Variants in GRM4 observed in about 807,000 individuals in gnomAD.
GRM4 encodes metabotropic glutamate receptor 4.
Under a neutral mutation model 81.7 loss-of-function variants are expected in GRM4, and 28 were observed. That is an observed-to-expected ratio of 0.34 (90% CI 0.25 to 0.47). The LOEUF (loss-of-function observed/expected upper bound fraction) is 0.47. Ranked by LOEUF, GRM4 falls within the 20% of genes least tolerant of loss-of-function variation. GRM4 has a pLI of 1.00. For missense variants in GRM4, 948 were observed against 1,290.0 expected, an observed-to-expected ratio of 0.73 and a Z score of 4.06; for synonymous variants, 488 against 528.8, an observed-to-expected ratio of 0.92 and a Z score of 1.06.
chr6:34,080,004 C>A lies in GRM4; in HGVS notation c.736+11879G>T, dbSNP rs187300582. 6.6e-6 allele frequency among the ~76,000 whole-genome samples: 1 copy of A among 152,212 alleles called. No individual in the cohort carries two copies. Among genetic ancestry groups the A allele is most frequent in the Non-Finnish European group, 1.5e-5 (1 of 68,030 alleles). ...AAAAGCCAAAGTCCCCACAGGCCCC[C>A]CCAGGGCCCCATGCAATTTGCCCTC... On this transcript the variant is annotated intron_variant, in intron 3 of 10. Transcript: ENST00000538487. This position sits in a 1 kb window ranked among gnomAD's most constrained non-coding sequence, Gnocchi z 5.4.
Position 34,121,775 on chromosome 6 carries a change from G to A in GRM4, c.519+11203C>T, listed in dbSNP as rs1769821158. 6.6e-6 allele frequency among the ~76,000 whole-genome samples: 1 copy of A among 152,164 alleles called. No homozygotes were observed. The highest frequency in any genetic ancestry group is 2.4e-5 in the African/African-American group (1 of 41,432). On this transcript the variant is annotated intron_variant, in intron 2 of 10. Transcript: ENST00000538487. This position sits in a 1 kb window ranked among gnomAD's most constrained non-coding sequence, Gnocchi z 4.6. ...GAAGGAATGGGAGGAGGGACAGGAA[G>A]GAGAATCCAGCCTTCTCCTCACACA...
In GRM4 at chr6:34,092,424, C is replaced by T. The variant is rs917950192; in HGVS notation, c.520-325G>A. ...CCAGCCCAGGGAAAATCCCCACATA[C>T]GTGAGATGATTCAGCCTGGGGATGG... On this transcript the variant is annotated intron_variant, in intron 2 of 10. Transcript: ENST00000538487. The surrounding 1 kb of genome is among the most constrained non-coding windows in gnomAD (Gnocchi z 6.8). Among the ~76,000 whole-genome samples, 2 of 152,144 alleles carry T rather than the reference C, an allele frequency of 1.3e-5. No homozygotes were observed. Among genetic ancestry groups the T allele is most frequent in the African/African-American group, 4.8e-5 (2 of 41,426 alleles).
intron 10 of GRM4, among the ~76,000 whole-genome samples, chr6:34,023,114 GCC>G (rs1253472162): frequency 6.6e-6 from 1 of 152,176 alleles, no homozygotes; most frequent in Non-Finnish European, 1.5e-5. Context: ...GCACCTCCAC[GCC>G]TTTGCCGGGC....
At chr6:34,025,273 A>G (rs924425619) in intron 10 of GRM4, among the ~76,000 whole-genome samples, 2 of 152,132 alleles carry the variant, frequency 1.3e-5, no homozygotes, top group African/African-American at 4.8e-5. Context: ...TGCGAATCAC[A>G]GCAGGCCAGG....
At chr6:34,138,423 G>C (rs1378125212) in intron 1 of GRM4, among the ~76,000 whole-genome samples, 1 of 152,232 alleles carries the variant, frequency 6.6e-6, no homozygotes, top group East Asian at 1.9e-4. Context: ...GTGAATGGCT[G>C]TGTGGAGTCT....
chr6:34,087,838 ACACG>A (rs1767992492), intron 3 of GRM4, among the ~76,000 whole-genome samples: 7 of 150,832 alleles, frequency 4.6e-5, no homozygotes, highest in African/African-American at 1.7e-4. Flanking sequence ...ACACACACAC[ACACG>A]TCCTGGCCTA....
chr6:34,144,010 G>A (rs1020631266), intron 1 of GRM4, among the ~76,000 whole-genome samples: 5 of 152,274 alleles, frequency 3.3e-5, no homozygotes, highest in African/African-American at 7.2e-5. Flanking sequence ...GCCCAGCTCA[G>A]TCGGTGTCCG....
At chr6:34,053,570 C>T (rs371815965) in intron 6 of GRM4, among the ~76,000 whole-genome samples, 83 of 152,344 alleles carry the variant, frequency 5.4e-4, no homozygotes, top group South Asian at 2.7e-3. Flanking sequence ...CATACCGCGT[C>T]TAGAGCCCCT....
At chr6:34,033,465 G>A (rs1308421595) in intron 9 of GRM4, among the ~76,000 whole-genome samples, 1 of 152,122 alleles carries the variant, frequency 6.6e-6, no homozygotes, top group Non-Finnish European at 1.5e-5. Flanking sequence ...TGCCACCAAG[G>A]CAAGTCACTC....
In GRM4 at chr6:34,047,858, G is replaced by T. The variant is rs1315816744; in HGVS notation, c.1169-7110C>A. On this transcript the variant is annotated intron_variant, in intron 6 of 10. Coordinates refer to ENST00000538487, the MANE Select transcript of GRM4 (RefSeq NM_000841.4). The surrounding 1 kb of genome is among the most constrained non-coding windows in gnomAD (Gnocchi z 4.5). ...AAGTGTTCTTTTACAAGCTCCAAGA[G>T]CTCTGTGGTAGCATCGCCTGGGGCT... 6.6e-6 allele frequency among the ~76,000 whole-genome samples: 1 copy of T among 152,190 alleles called. No individual in the cohort carries two copies. Among genetic ancestry groups the T allele is most frequent in the Non-Finnish European group, 1.5e-5 (1 of 68,042 alleles).
At chr6:34,131,833 C>A (rs1770246618) in intron 2 of GRM4, among the ~76,000 whole-genome samples, 1 of 152,126 alleles carries the variant, frequency 6.6e-6, no homozygotes, top group African/African-American at 2.4e-5. Context: ...TTTGGGGAGA[C>A]AAAGGTCAAC....
rs1242054221 is a variant in GRM4 at position 34,022,278 on chromosome 6, A to G, written c.*543T>C. 1.3e-5 allele frequency: 2 copies of G among 156,932 alleles called. No individual in the cohort carries two copies. Among genetic ancestry groups the G allele is most frequent in the African/African-American group, 2.4e-5 (1 of 41,490 alleles). 9.7% of individuals were successfully genotyped at this position (156,932 alleles called of 1,614,324 possible). ...GAAGCAGAGGAGAACAGGAAAGAAA[A>G]CGGCAGAAAAGTGACACTGGTGGGA... On this transcript the variant is annotated 3_prime_UTR_variant, in exon 11 of 11. Coordinates refer to ENST00000538487, the MANE Select transcript of GRM4 (RefSeq NM_000841.4). This position sits in a 1 kb window ranked among gnomAD's most constrained non-coding sequence, Gnocchi z 5.6.
rs190359317 is a variant in GRM4 at position 34,022,722 on chromosome 6, G to T, written c.*99C>A. The T allele has an allele frequency of 2.8e-6, 3 of 1,087,836 alleles. No homozygotes were observed. Among genetic ancestry groups the T allele is most frequent in the South Asian group, 1.3e-5 (1 of 79,056 alleles). The allele number at this position is 1,087,836 out of a possible 1,614,324, so 67.4% of individuals were successfully genotyped here. A position where few individuals can be genotyped will look rare whatever the true frequency, so the allele number is the denominator to read the frequency against. Reference sequence around the variant, plus strand: ...CCAAGCCACGTCCGTGGGTGCCCACGGGCAGGCAAGACAGCTGGGCCCTTG... The same window carrying T: ...CCAAGCCACGTCCGTGGGTGCCCACTGGCAGGCAAGACAGCTGGGCCCTTG... On this transcript the variant is annotated 3_prime_UTR_variant, in exon 11 of 11. Transcript: ENST00000538487. The surrounding 1 kb of genome is among the most constrained non-coding windows in gnomAD (Gnocchi z 5.6).
At chr6:34,024,967 T>G (rs1429770940) in intron 10 of GRM4, among the ~76,000 whole-genome samples, 1 of 152,132 alleles carries the variant, frequency 6.6e-6, no homozygotes, top group African/African-American at 2.4e-5. Context: ...GGACAGGTCA[T>G]TTTGGATGGG....
chr6:34,155,367 A>C, exon 1 of GRM4: 1 of 1,507,474 alleles, frequency 6.6e-7, no homozygotes, highest in African/African-American at 1.4e-5. Flanking sequence ...AGGAAGCTGC[A>C]ACTCCAGGCT....
intron 2 of GRM4, among the ~76,000 whole-genome samples, chr6:34,102,628 A>G (rs75127533): frequency 0.024 from 3,616 of 152,192 alleles, 122 homozygotes; most frequent in African/African-American, 0.073. Flanking sequence ...CACAATGATC[A>G]CCTACTAACA....
At chr6:34,138,383 A>C (rs1213110802) in intron 1 of GRM4, among the ~76,000 whole-genome samples, 1 of 152,232 alleles carries the variant, frequency 6.6e-6, no homozygotes, top group Non-Finnish European at 1.5e-5. Flanking sequence ...GGGCCCACCC[A>C]GCCCAGGTGC....
At position 34,074,699 on chromosome 6, in the gene GRM4, G is replaced by A. The variant is rs1359658411; in HGVS notation, c.737-12671C>T. Among the ~76,000 whole-genome samples the A allele has an allele frequency of 4.6e-5, 7 of 152,348 alleles. No individual in the cohort carries two copies. The highest frequency in any genetic ancestry group is 1.9e-4 in the East Asian group (1 of 5,186). On this transcript the variant is annotated intron_variant, in intron 3 of 10. Transcript: ENST00000538487. This position sits in a 1 kb window ranked among gnomAD's most constrained non-coding sequence, Gnocchi z 4.9. ...GCAGAGGGAAATTTGCTGAGTGATC[G>A]ACTTAATATCTCAACACAAACCCAC...
rs964382646 is a variant in GRM4 at position 34,138,955 on chromosome 6, G to C, written c.-363-5096C>G. ...GAATGTGAGGCATAGTTTCAGGCAG[G>C]GAAACTAAGGATTGATTCAGCTATA... On this transcript the variant is annotated intron_variant, in intron 1 of 10. Coordinates refer to ENST00000538487, the MANE Select transcript of GRM4 (RefSeq NM_000841.4). Among the ~76,000 whole-genome samples the C allele has an allele frequency of 1.1e-4, 16 of 152,248 alleles. 1 individual carries two copies. The highest frequency in any genetic ancestry group is 5.9e-5 in the Non-Finnish European group (4 of 68,036).
Sources: gnomAD v4.1 joint callset for allele counts (sites outside exome capture counted in the v4.1 genomes callset) on GRCh38, gnomAD v4.1.1 for gene constraint, Gnocchi (gnomAD v3.1) non-coding constraint, MANE v1.5 for transcripts, NCBI Gene and HGNC (gene_info 2026-07-23, HGNC 2026-07-21) for gene names.